Variants in ABCA6 observed in about 807,000 individuals in gnomAD.
ABCA6 encodes the protein ATP binding cassette subfamily A member 6, also known as ATP-binding cassette sub-family A member 6.
A neutral mutation model predicts 191.2 loss-of-function variants in ABCA6; 164 were observed. The ratio of observed to expected loss-of-function variants is 0.86; its 90% CI spans 0.76 to 0.98. The LOEUF is 0.98. Among genes scored for constraint, ABCA6 ranks in the 50% least tolerant of loss-of-function variants. ABCA6 has a pLI of 0.00. For missense variants in ABCA6, 1,958 were observed against 1,894.1 expected (o/e 1.03, Z -0.63); for synonymous variants, 636 against 647.7 (o/e 0.98, Z 0.27).
intron 28 of ABCA6, among the ~76,000 whole-genome samples, chr17:69,087,919 G>A (rs1410009128): frequency 1.3e-5 from 2 of 152,106 alleles, no homozygotes; most frequent in South Asian, 4.1e-4. Flanking sequence ...TATCTCAGAC[G>A]AGAGAATGGC....
intron 28 of ABCA6, 55 bp from the exon 29 acceptor site, chr17:69,087,528 T>C (rs1283264608): frequency 6.2e-7 from 1 of 1,601,552 alleles, no homozygotes; most frequent in Admixed American, 1.7e-5. Flanking sequence ...AAAAGATGTG[T>C]CAAAAATCAG....
intron 6 of ABCA6, among the ~76,000 whole-genome samples, chr17:69,131,399 C>G (rs1452980791): frequency 6.6e-6 from 1 of 152,078 alleles, no homozygotes; most frequent in Non-Finnish European, 1.5e-5. Context: ...TTCTGTAGAA[C>G]CTACTTCCTG....
chr17:69,084,957 T>TA, intron 32 of ABCA6, 71 bp downstream of exon 32: 1 of 1,497,016 alleles, frequency 6.7e-7, no homozygotes, highest in Non-Finnish European at 8.9e-7. Context: ...GGTTCTTTAT[T>TA]AGTGAATTCA....
In ABCA6 at chr17:69,085,096, C is replaced by T; in HGVS notation, c.4116G>A (p.Arg1372=). 8 of 1,613,670 alleles carry T rather than the reference C, an allele frequency of 5.0e-6. No individual in the cohort carries two copies. The highest frequency in any genetic ancestry group is 6.8e-6 in the Non-Finnish European group (8 of 1,179,836). Reference sequence around the variant, plus strand: ...CGGCAGCATACACCTCCAGGTGTTCCCTCAACGTCAGCATGGGCCACAGCA... The same window carrying T: ...CGGCAGCATACACCTCCAGGTGTTCTCTCAACGTCAGCATGGGCCACAGCA... ...ENVLWPMLTL[R]EHLEVYAAVK... Residue 1372 remains arginine (R), a synonymous_variant, in exon 32 of 39, where the codon AGG becomes AGA. Coordinates refer to ENST00000284425, the MANE Select transcript of ABCA6 (RefSeq NM_080284.3).
At position 69,115,416 on chromosome 17, in the gene ABCA6, T is replaced by G; in HGVS notation, c.1566A>C (p.Ser522=). Residue 522 remains serine (S), a synonymous_variant, in exon 12 of 39, where the codon TCA becomes TCC. Coordinates refer to ENST00000284425, the MANE Select transcript of ABCA6 (RefSeq NM_080284.3). ...ACAATCCATTAAGAATATTTAGCAG[T>G]GAAGATTTGCCAGCTCCACTGTGAC... ...ILGHSGAGKS[S]LLNILNGLSV... is the part of the protein sequence containing the mutation. 6.2e-7 allele frequency: 1 copy of G among 1,612,052 alleles called. No homozygotes were observed. The highest frequency in any genetic ancestry group is 2.2e-5 in the East Asian group (1 of 44,808).
At chr17:69,104,487 T>C (rs1025637029) in intron 20 of ABCA6, 2 of 151,482 alleles carry the variant, frequency 1.3e-5, no homozygotes, top group African/African-American at 2.4e-5. Context: ...TTAAAGAGCA[T>C]ACACCGCAGG....
At chr17:69,098,228 C>G in intron 22 of ABCA6, 1 of 450,814 alleles carries the variant, frequency 2.2e-6, no homozygotes, top group East Asian at 3.5e-5. Flanking sequence ...TCATTTAGGA[C>G]CTACTTCTGG....
intron 5 of ABCA6, 24 bp from the exon 6 acceptor site, chr17:69,133,891 T>C: frequency 7.0e-7 from 1 of 1,435,150 alleles, no homozygotes; most frequent in Non-Finnish European, 9.5e-7. Flanking sequence ...TAAACAAACA[T>C]AATTATTATT....
chr17:69,080,530 C>T (rs979284478), intron 37 of ABCA6, among the ~76,000 whole-genome samples: 1 of 152,144 alleles, frequency 6.6e-6, no homozygotes, highest in Non-Finnish European at 1.5e-5. Flanking sequence ...GAGTTACACA[C>T]AATGCAGGGG....
Position 69,102,878 on chromosome 17 carries a change from C to T in ABCA6, c.2831G>A (p.Gly944Asp). ...DDFENRNGTD[G>D]LSYNGAIIVS... ...TATGATAGCTCCATTGTATGAGAGGCCATCAGTACCATTTCTGTTTTCAAA... is the reference window on the plus strand; with the variant it reads ...TATGATAGCTCCATTGTATGAGAGGTCATCAGTACCATTTCTGTTTTCAAA... Residue 944 changes from glycine to aspartate, a missense_variant, in exon 21 of 39, where the codon GGC becomes GAC. Transcript: ENST00000284425. 1 of 1,598,618 alleles carries T rather than the reference C, an allele frequency of 6.3e-7. No homozygotes were observed. The highest frequency in any genetic ancestry group is 1.8e-5 in the Admixed American group (1 of 56,632).
At chr17:69,085,957 T>C (rs898272359) in intron 30 of ABCA6, among the ~76,000 whole-genome samples, 1 of 152,202 alleles carries the variant, frequency 6.6e-6, no homozygotes, top group African/African-American at 2.4e-5. Context: ...CCCAGATTAC[T>C]TGTTTCAGTT....
At position 69,086,218 on chromosome 17, in the gene ABCA6, C is replaced by T. The variant is rs1381645897; in HGVS notation, c.3937+400G>A. On this transcript the variant is annotated intron_variant, in intron 30 of 38. Coordinates refer to ENST00000284425, the MANE Select transcript of ABCA6 (RefSeq NM_080284.3). ...ATATAAATTAAATATGACACAAGTC[C>T]GCTAAAAACTCTCCAATGGTATTAT... is the stretch of plus-strand genomic sequence containing the variant. 2.0e-5 allele frequency among the ~76,000 whole-genome samples: 3 copies of T among 152,062 alleles called. 1 individual carries two copies. The highest frequency in any genetic ancestry group is 7.2e-5 in the African/African-American group (3 of 41,412).
At chr17:69,084,641 G>T (rs879218164) in intron 32 of ABCA6, 134 bp from the exon 33 acceptor site, 1 of 794,092 alleles carries the variant, frequency 1.3e-6, no homozygotes, top group Non-Finnish European at 1.9e-6. Context: ...TTTTAAAAAA[G>T]AGATTGGTTT....
intron 2 of ABCA6, 147 bp downstream of exon 2, chr17:69,140,461 G>A (rs1206513329): frequency 2.4e-6 from 1 of 417,970 alleles, no homozygotes; most frequent in African/African-American, 2.1e-5. Context: ...TTATTCTTCA[G>A]TCTCTCAATT....
chr17:69,105,584 T>C lies in ABCA6; in HGVS notation c.2618A>G (p.Asn873Ser). 6.5e-7 allele frequency: 1 copy of C among 1,549,704 alleles called. No homozygotes were observed. Among genetic ancestry groups the C allele is most frequent in the East Asian group, 2.2e-5 (1 of 44,484 alleles). The change falls in exon 20 of 39, where the codon AAT (asparagine) becomes AGT (serine). Residue 873 changes from asparagine to serine, a missense_variant. Transcript: ENST00000284425. ...TTCATTTAACATAGCATACATTATA[T>C]TTTCAACAATCAAAGGGAATATTGC... is the stretch of plus-strand genomic sequence containing the variant. The part of the protein sequence containing the change: ...GIAIFPLIVE[N>S]IMYAMLNEKI...
intron 12 of ABCA6, 141 bp from the exon 13 acceptor site, chr17:69,115,078 C>CAG: frequency 1.4e-6 from 1 of 698,038 alleles, no homozygotes; most frequent in Non-Finnish European, 2.3e-6. Flanking sequence ...TAAATATATG[C>CAG]TTATAGAACT....
At chr17:69,111,886 A>C (rs1395700385) in intron 16 of ABCA6, 1 of 226,964 alleles carries the variant, frequency 4.4e-6, no homozygotes, top group African/African-American at 2.3e-5. Context: ...GCTGAGGAAA[A>C]TGTGGGTAGG....
At chr17:69,079,317 C>A in intron 37 of ABCA6, 52 bp from the exon 38 acceptor site, 2 of 1,431,582 alleles carry the variant, frequency 1.4e-6, no homozygotes, top group South Asian at 1.4e-5. Context: ...AATTTATTAC[C>A]AAGAATTTTT....
At chr17:69,112,565 A>G (rs540192445) in intron 15 of ABCA6, 10 of 292,388 alleles carry the variant, frequency 3.4e-5, no homozygotes, top group African/African-American at 2.2e-4. Context: ...AGAAAGTCAA[A>G]TACTGCATGT....
Sources: allele counts gnomAD v4.1 joint callset (sites outside exome capture counted in the v4.1 genomes callset), GRCh38; gene constraint gnomAD v4.1.1; transcripts MANE v1.5; gene names NCBI Gene and HGNC (gene_info 2026-07-23, HGNC 2026-07-21).